The following H6PD variants were observed in gnomAD, a reference collection of about 807,000 sequenced individuals.
H6PD encodes GDH/6PGL endoplasmic bifunctional protein.
In H6PD, 48 loss-of-function variants were observed where a neutral mutation model predicts 61.2. The ratio of observed to expected loss-of-function variants is 0.78; its 90% CI spans 0.62 to 1.00. The LOEUF (loss-of-function observed/expected upper bound fraction) is 1.00, where lower values mean the gene tolerates loss of function less well. Ranked by LOEUF, H6PD falls within the 50% of genes least tolerant of loss-of-function variation. The pLI, the probability that H6PD is intolerant of heterozygous loss-of-function variation, is 0.00. For missense variants in H6PD, 1,093 were observed against 1,065.0 expected (o/e 1.03, Z -0.37); for synonymous variants, 480 against 457.9 (o/e 1.05, Z -0.62).
At chr1:9,236,159 T>C (rs1428446968) in intron 1 of H6PD, among the ~76,000 whole-genome samples, 2 of 152,234 alleles carry the variant, frequency 1.3e-5, no homozygotes, top group South Asian at 2.1e-4. Context: ...CGGCTAATTT[T>C]ATGTATTTTT....
intron 4 of H6PD, among the ~76,000 whole-genome samples, chr1:9,262,743 C>T (rs1443527290): frequency 1.3e-5 from 2 of 152,192 alleles, no homozygotes; most frequent in African/African-American, 2.4e-5. Context: ...TTCCAGAGAC[C>T]CAGGGCTTTC....
chr1:9,243,811 T>C (rs1030769638), intron 1 of H6PD, among the ~76,000 whole-genome samples: 4 of 148,980 alleles, frequency 2.7e-5, no homozygotes, highest in African/African-American at 7.4e-5. Context: ...TCACCTTGGG[T>C]TGGTCACTCA....
chr1:9,243,478 C>T (rs1283626997), intron 1 of H6PD, among the ~76,000 whole-genome samples: 14 of 152,192 alleles, frequency 9.2e-5, no homozygotes, highest in Non-Finnish European at 2.9e-5. Context: ...CCCATTTCCA[C>T]CGTGGATTTC....
chr1:9,241,612 C>G (rs574901072), intron 1 of H6PD, among the ~76,000 whole-genome samples: 24 of 152,296 alleles, frequency 1.6e-4, no homozygotes, highest in African/African-American at 5.5e-4. Context: ...GTTGCCCAGG[C>G]TGGTCTGGAA....
intron 3 of H6PD, among the ~76,000 whole-genome samples, chr1:9,251,963 G>A (rs536538803): frequency 2.4e-4 from 37 of 151,476 alleles, no homozygotes; most frequent in African/African-American, 8.5e-4. Flanking sequence ...TTCTGGTCCC[G>A]GTTCTGAAGG....
Position 9,271,020 on chromosome 1 carries a change from C to G in H6PD, c.*6151C>G, listed in dbSNP as rs1638733622. 1 of 149,268 alleles carries G rather than the reference C, an allele frequency of 6.7e-6. No homozygotes were observed. The highest frequency in any genetic ancestry group is 2.5e-5 in the African/African-American group (1 of 39,648). The allele number at this position is 149,268 out of a possible 1,614,324, so 9.2% of individuals were successfully genotyped here. ...GCAGTGGCGCGATCTCGGCTCACTG[C>G]AAACTTTGCCTCCCAGGTTCAAGTG... On this transcript the variant is annotated 3_prime_UTR_variant, in exon 5 of 5. Coordinates refer to ENST00000377403, the MANE Select transcript of H6PD (RefSeq NM_004285.4).
chr1:9,265,047 T>C lies in H6PD; in HGVS notation c.*178T>C, dbSNP rs911299405. 16 of 679,438 alleles carry C rather than the reference T, an allele frequency of 2.4e-5. No homozygotes were observed. The highest frequency in any genetic ancestry group is 3.7e-5 in the Non-Finnish European group (14 of 381,044). The allele number at this position is 679,438 out of a possible 1,614,324, so 42.1% of individuals were successfully genotyped here. A position where few individuals can be genotyped will look rare whatever the true frequency, so the allele number is the denominator to read the frequency against. ...TCCCGATGCCTTTGACCGGCAGCTC[T>C]GTGTATTGGTGGATAGATGCAGAAA... On this transcript the variant is annotated 3_prime_UTR_variant, in exon 5 of 5. Transcript: ENST00000377403.
At chr1:9,237,895 T>G (rs1640895671) in intron 1 of H6PD, among the ~76,000 whole-genome samples, 1 of 152,192 alleles carries the variant, frequency 6.6e-6, no homozygotes, top group African/African-American at 2.4e-5. Context: ...AGGCCTTGTT[T>G]TGGATACTGG....
At chr1:9,240,090 A>G (rs1414746358) in intron 1 of H6PD, 1 of 996,792 alleles carries the variant, frequency 1.0e-6, no homozygotes. Flanking sequence ...GGTGCCCAGG[A>G]CTGGGTTCAC....
chr1:9,259,254 C>T (rs1172217250), intron 3 of H6PD, among the ~76,000 whole-genome samples: 1 of 152,170 alleles, frequency 6.6e-6, no homozygotes, highest in Non-Finnish European at 1.5e-5. Flanking sequence ...TCCCAAAGTG[C>T]TGGGATTATG....
intron 1 of H6PD, among the ~76,000 whole-genome samples, chr1:9,236,400 G>A (rs1004287298): frequency 2.6e-5 from 4 of 152,166 alleles, no homozygotes; most frequent in African/African-American, 9.7e-5. Flanking sequence ...AGTGGCTCAC[G>A]CCTGTAATCC....
At chr1:9,249,991 C>T (rs772977403) in intron 3 of H6PD, among the ~76,000 whole-genome samples, 1 of 152,188 alleles carries the variant, frequency 6.6e-6, no homozygotes, top group Non-Finnish European at 1.5e-5. Context: ...GGAAGGTGGC[C>T]TGGTACAGCC....
rs952615656 is a variant in H6PD at position 9,235,071 on chromosome 1, GCGCCCCCCGCCGGCCCCGC to G, written c.-11+10_-11+28del. The stretch of plus-strand genomic sequence containing the variant: ...TGCGCCGCCGCGCGAGAGGAAGTAA[GCGCCCCCCGCCGGCCCCGC>G]CGCCGCCCCGGCCCCGGCGCCTCCA... On this transcript the variant is annotated splice_donor_region_variant and intron_variant, in intron 1 of 4. Coordinates refer to ENST00000377403, the MANE Select transcript of H6PD (RefSeq NM_004285.4). 43 of 148,042 alleles carry G rather than the reference GCGCCCCCCGCCGGCCCCGC, an allele frequency of 2.9e-4. No individual in the cohort carries two copies. Among genetic ancestry groups the G allele is most frequent in the African/African-American group, 1.0e-3 (41 of 40,968 alleles). 9.2% of individuals were successfully genotyped at this position (148,042 alleles called of 1,614,324 possible).
At chr1:9,258,154 T>G (rs771598651) in intron 3 of H6PD, among the ~76,000 whole-genome samples, 16 of 152,202 alleles carry the variant, frequency 1.1e-4, no homozygotes, top group East Asian at 1.9e-4. Flanking sequence ...AGCGTTGGTG[T>G]TGTTATGCTG....
Position 9,264,985 on chromosome 1 carries a change from CCA to C in H6PD, c.*119_*120del. 8.9e-7 allele frequency: 1 copy of C among 1,119,178 alleles called. No individual in the cohort carries two copies. The allele number at this position is 1,119,178 out of a possible 1,614,324, so 69.3% of individuals were successfully genotyped here. ...CCCTGGCTCTCCAGAACCTTCTATC[CCA>C]CAGTCAGGCCCCAGAGAGGGCAGGA... On this transcript the variant is annotated 3_prime_UTR_variant, in exon 5 of 5. Transcript: ENST00000377403.
Position 9,252,850 on chromosome 1 carries a change from G to A in H6PD, c.745+5767G>A, listed in dbSNP as rs114567395. Among the ~76,000 whole-genome samples the A allele has an allele frequency of 7.0e-3, 1,061 of 152,244 alleles. 4 individuals are homozygous for A. Among genetic ancestry groups the A allele is most frequent in the Non-Finnish European group, 0.012 (805 of 68,016 alleles). ...GCTTTGTCATCCTCTGACCTTGGAC[G>A]AGCTCTGGATGTGCACAGGTGGGAG... On this transcript the variant is annotated intron_variant, in intron 3 of 4. Transcript: ENST00000377403.
At chr1:9,255,841 C>T (rs184232080) in intron 3 of H6PD, among the ~76,000 whole-genome samples, 147 of 152,308 alleles carry the variant, frequency 9.7e-4, no homozygotes, top group Non-Finnish European at 1.8e-3. Context: ...CCCTAGACCC[C>T]TCCTTCCAGA....
At chr1:9,242,062 T>G (rs1557735611) in intron 1 of H6PD, among the ~76,000 whole-genome samples, 1 of 152,204 alleles carries the variant, frequency 6.6e-6, no homozygotes, top group Non-Finnish European at 1.5e-5. Context: ...ACACCTGTGT[T>G]AGGACCCACC....
In H6PD at chr1:9,264,842, C is replaced by T. The variant is rs766659227; in HGVS notation, c.2349C>T (p.Tyr783=). 2 of 1,612,248 alleles carry T rather than the reference C, an allele frequency of 1.2e-6. No homozygotes were observed. The highest frequency in any genetic ancestry group is 1.7e-6 in the Non-Finnish European group (2 of 1,180,030). The change falls in exon 5 of 5, where the codon TAC becomes TAT. Residue 783 remains tyrosine, a synonymous_variant. Coordinates refer to ENST00000377403, the MANE Select transcript of H6PD (RefSeq NM_004285.4). ...CGCACTCCGGCCAGCTGGTGTGGTA[C>T]ATGGACTACGACGCCTTCCTGGGAT... The part of the protein sequence containing the change: ...VLPHSGQLVW[Y]MDYDAFLG
Sources: gnomAD v4.1 joint callset for allele counts (sites outside exome capture counted in the v4.1 genomes callset) on GRCh38, gnomAD v4.1.1 for gene constraint, MANE v1.5 for transcripts, NCBI Gene and HGNC (gene_info 2026-07-23, HGNC 2026-07-21) for gene names.